ARMH3: variants seen among roughly 807,000 people sequenced by gnomAD.
ARMH3 encodes armadillo-like helical domain-containing protein 3.
In ARMH3, 60 loss-of-function variants were observed where a neutral mutation model predicts 99.1. The ratio of observed to expected loss-of-function variants is 0.61; its 90% confidence interval spans 0.49 to 0.75. ARMH3 has a LOEUF of 0.75. ARMH3 is among the 30% of genes least tolerant of loss of function. The pLI is 0.00. For synonymous variants in ARMH3, 285 were observed against 292.8 expected (o/e 0.97, Z 0.27); for missense variants, 679 against 843.1 (o/e 0.81, Z 2.41).
chr10:101,929,213 G>C (rs1234729910), intron 23 of ARMH3, among the ~76,000 whole-genome samples: 4 of 152,048 alleles, frequency 2.6e-5, no homozygotes, highest in Non-Finnish European at 2.9e-5. Context: ...TTTTGTACTT[G>C]TACTTTGTTA....
chr10:101,999,563 G>A (rs1476388757), intron 15 of ARMH3, among the ~76,000 whole-genome samples: 1 of 152,120 alleles, frequency 6.6e-6, no homozygotes, highest in Non-Finnish European at 1.5e-5. Flanking sequence ...TAATAAAAAT[G>A]TTCATTAAAA....
intron 1 of ARMH3, among the ~76,000 whole-genome samples, chr10:102,049,266 G>C (rs960624455): frequency 1.2e-4 from 18 of 152,154 alleles, no homozygotes; most frequent in African/African-American, 4.1e-4. Context: ...AATAGGGCTG[G>C]CACGGTGGCT....
At chr10:101,876,148 C>CT (rs2067256626) in intron 24 of ARMH3, among the ~76,000 whole-genome samples, 2 of 143,036 alleles carry the variant, frequency 1.4e-5, no homozygotes, top group African/African-American at 2.6e-5. Context: ...ACTCAGGAGG[C>CT]TGAGGCAGGA....
intron 19 of ARMH3, among the ~76,000 whole-genome samples, chr10:101,976,673 T>C (rs1356222966): frequency 6.6e-6 from 1 of 152,116 alleles, no homozygotes. Flanking sequence ...GTGGTTTTTA[T>C]TTAAATTAAA....
At chr10:101,892,557 G>C (rs1185933586) in intron 23 of ARMH3, among the ~76,000 whole-genome samples, 1 of 151,972 alleles carries the variant, frequency 6.6e-6, no homozygotes, top group African/African-American at 2.4e-5. Flanking sequence ...CTTCTTGATA[G>C]TAAAGAATTA....
At position 101,888,556 on chromosome 10, in the gene ARMH3, G is replaced by A. The variant is rs566989160; in HGVS notation, c.1860+856C>T. 2.0e-5 allele frequency among the ~76,000 whole-genome samples: 3 copies of A among 152,330 alleles called. No homozygotes were observed. In the East Asian group the frequency reaches 5.8e-4, roughly 29 times the overall value. ...GAAACACATGGTCAAATCATAGCTGGCTGGCTGGCTCTGCCAGCAAGAAGC... is the reference window on the plus strand; with the variant it reads ...GAAACACATGGTCAAATCATAGCTGACTGGCTGGCTCTGCCAGCAAGAAGC... On this transcript the variant is annotated intron_variant, in intron 24 of 25. Coordinates refer to ENST00000370033, the MANE Select transcript of ARMH3 (RefSeq NM_024541.3).
intron 23 of ARMH3, among the ~76,000 whole-genome samples, chr10:101,937,094 T>C (rs1844014354): frequency 6.6e-6 from 1 of 152,196 alleles, no homozygotes. Context: ...CCAACTCAAA[T>C]TTCCATATTC....
intron 12 of ARMH3, among the ~76,000 whole-genome samples, 193 bp from the exon 13 acceptor site, chr10:102,009,642 T>C (rs189523921): frequency 9.5e-4 from 145 of 152,322 alleles, no homozygotes; most frequent in African/African-American, 3.4e-3. Flanking sequence ...TCACTTTAAT[T>C]CCTTAGGACC....
At chr10:102,007,952 T>C (rs1271459113) in intron 13 of ARMH3, among the ~76,000 whole-genome samples, 1 of 151,914 alleles carries the variant, frequency 6.6e-6, no homozygotes, top group Non-Finnish European at 1.5e-5. Context: ...AGACACCCAG[T>C]AGGGACCAAA....
intron 23 of ARMH3, among the ~76,000 whole-genome samples, chr10:101,905,637 A>C (rs1183407199): frequency 6.6e-6 from 1 of 152,198 alleles, no homozygotes. Flanking sequence ...TCTAATTGGG[A>C]CAGATCTTAG....
chr10:102,013,008 A>G, intron 9 of ARMH3, 132 bp from the exon 10 acceptor site: 1 of 627,836 alleles, frequency 1.6e-6, no homozygotes, highest in Non-Finnish European at 2.6e-6. Flanking sequence ...ACAAGGACAG[A>G]AATTCTGAGA....
At chr10:101,863,299 A>C (rs1423481391) in intron 24 of ARMH3, among the ~76,000 whole-genome samples, 1 of 152,238 alleles carries the variant, frequency 6.6e-6, no homozygotes, top group Admixed American at 6.5e-5. Flanking sequence ...AGTATCAGGA[A>C]TATAGAGCAA....
At chr10:101,937,815 T>C (rs923717025) in intron 23 of ARMH3, among the ~76,000 whole-genome samples, 1 of 152,176 alleles carries the variant, frequency 6.6e-6, no homozygotes, top group Non-Finnish European at 1.5e-5. Context: ...GATCTGGCCT[T>C]ACTGTGGTGA....
intron 8 of ARMH3, among the ~76,000 whole-genome samples, chr10:102,016,905 G>C (rs1296902378): frequency 6.6e-6 from 1 of 152,008 alleles, no homozygotes; most frequent in Non-Finnish European, 1.5e-5. Flanking sequence ...TTGTCTTTTT[G>C]GATGAAATGA....
chr10:101,877,305 G>A (rs2067293709), intron 24 of ARMH3, among the ~76,000 whole-genome samples: 3 of 152,052 alleles, frequency 2.0e-5, no homozygotes, highest in African/African-American at 7.2e-5. Context: ...TAAGGCTGCA[G>A]TGAGCCATGA....
At chr10:101,944,303 G>T (rs1234915272) in intron 22 of ARMH3, among the ~76,000 whole-genome samples, 5 of 131,884 alleles carry the variant, frequency 3.8e-5, no homozygotes, top group African/African-American at 1.2e-4. Context: ...GAGAGAGAGA[G>T]AGAGAGAGAG....
intron 22 of ARMH3, among the ~76,000 whole-genome samples, chr10:101,949,469 T>A (rs1014026805): frequency 1.3e-5 from 2 of 151,944 alleles, no homozygotes; most frequent in Non-Finnish European, 2.9e-5. Flanking sequence ...CCCATAAAAG[T>A]GACAACAAAA....
chr10:102,054,327 T>G (rs564995698), intron 1 of ARMH3, among the ~76,000 whole-genome samples: 17 of 150,524 alleles, frequency 1.1e-4, no homozygotes, highest in African/African-American at 4.2e-4. Context: ...AGACGGAGGT[T>G]GCAGTGAGCC....
At chr10:102,006,511 C>A in intron 14 of ARMH3, 29 bp downstream of exon 14, 1 of 1,594,714 alleles carries the variant, frequency 6.3e-7, no homozygotes, top group South Asian at 1.1e-5. Context: ...TCATATTAAC[C>A]AAGAAAAACA....
Sources: gnomAD v4.1 joint callset for allele counts (sites outside exome capture counted in the v4.1 genomes callset) on GRCh38, gnomAD v4.1.1 for gene constraint, MANE v1.5 for transcripts, NCBI Gene and HGNC (gene_info 2026-07-23, HGNC 2026-07-21) for gene names.